Variants in DNAH11 observed in about 807,000 individuals in gnomAD.
DNAH11 encodes the protein dynein axonemal heavy chain 11.
Under a neutral mutation model 526.0 loss-of-function variants are expected in DNAH11, and 442 were observed. That is an observed-to-expected ratio of 0.84 (90% CI 0.78 to 0.91). The LOEUF is 0.91. Ranked by LOEUF, DNAH11 falls within the 40% of genes least tolerant of loss-of-function variation. The pLI is 0.00. For synonymous variants in DNAH11, 2,461 were observed against 1,935.9 expected (o/e 1.27, Z -7.12); for missense variants, 6,989 against 5,448.7 (o/e 1.28, Z -8.90).
intron 42 of DNAH11, among the ~76,000 whole-genome samples, chr7:21,715,862 TC>T (rs1784644082): frequency 1.5e-5 from 1 of 65,376 alleles, no homozygotes; most frequent in South Asian, 8.0e-4. Flanking sequence ...GATTTCCCCC[TC>T]CCACCCCCAC....
chr7:21,683,681 T>C, intron 31 of DNAH11, 103 bp from the exon 32 acceptor site: 1 of 1,283,066 alleles, frequency 7.8e-7, no homozygotes, highest in South Asian at 2.2e-5. Context: ...ATTTCCTATT[T>C]ATGAGAATTT....
chr7:21,546,341 C>T (rs1438705861), intron 2 of DNAH11, among the ~76,000 whole-genome samples: 1 of 152,174 alleles, frequency 6.6e-6, no homozygotes, highest in African/African-American at 2.4e-5. Flanking sequence ...CAGGGAGGTG[C>T]TAGGAAGACA....
chr7:21,636,355 A>G (rs1303006946), intron 26 of DNAH11, among the ~76,000 whole-genome samples: 1 of 152,212 alleles, frequency 6.6e-6, no homozygotes, highest in African/African-American at 2.4e-5. Flanking sequence ...ATATGCCAAT[A>G]AAGCTTTACT....
chr7:21,545,271 G>C, intron 2 of DNAH11, 122 bp downstream of exon 2: 1 of 141,054 alleles, frequency 7.1e-6, no homozygotes, highest in Admixed American at 2.2e-4. Context: ...GGATGGGGGT[G>C]GTTAAAAAAA....
intron 9 of DNAH11, among the ~76,000 whole-genome samples, chr7:21,585,806 CTGTA>C (rs746510641): frequency 5.3e-5 from 8 of 152,106 alleles, no homozygotes; most frequent in Non-Finnish European, 1.0e-4. Flanking sequence ...TTATGAAAAA[CTGTA>C]TTATGCAATG....
At chr7:21,898,984 CTCCAAGTTGGCGCTTGTCAG>C (rs368166260) in intron 79 of DNAH11, among the ~76,000 whole-genome samples, 305 of 152,346 alleles carry the variant, frequency 2.0e-3, no homozygotes, top group African/African-American at 6.9e-3. Context: ...CTGTCCATAC[CTCCAAGTTGGCGCTTGTCAG>C]TCCAAGTCAT....
chr7:21,641,620 C>T (rs1366725822), intron 28 of DNAH11, among the ~76,000 whole-genome samples: 1 of 152,220 alleles, frequency 6.6e-6, no homozygotes, highest in Non-Finnish European at 1.5e-5. Context: ...CATGCCTTAG[C>T]TAAACTACAT....
chr7:21,609,181 G>T (rs1424998371), intron 20 of DNAH11, among the ~76,000 whole-genome samples: 1 of 152,030 alleles, frequency 6.6e-6, no homozygotes, highest in Non-Finnish European at 1.5e-5. Context: ...ACATAACTGG[G>T]TATTTCTTCC....
At chr7:21,861,736 T>A (rs1783070506) in intron 68 of DNAH11, 117 bp from the exon 69 acceptor site, 2 of 1,032,812 alleles carry the variant, frequency 1.9e-6, no homozygotes, top group Admixed American at 2.9e-5. Context: ...CTCCTAAAAA[T>A]TTTGCCTCAT....
intron 36 of DNAH11, 117 bp from the exon 37 acceptor site, chr7:21,702,593 T>C (rs1784110738): frequency 2.7e-6 from 2 of 747,616 alleles, no homozygotes; most frequent in Admixed American, 5.0e-5. Context: ...GTATTTTGAA[T>C]CATTAAAGTG....
At position 21,687,527 on chromosome 7, in the gene DNAH11, G is replaced by A; in HGVS notation, c.5924G>A (p.Arg1975Lys). 6.2e-7 allele frequency: 1 copy of A among 1,612,972 alleles called. No individual in the cohort carries two copies. Among genetic ancestry groups the A allele is most frequent in the Non-Finnish European group, 8.5e-7 (1 of 1,179,480 alleles). Residue 1975 changes from arginine to lysine, a missense_variant and splice_region_variant, in exon 34 of 82, where the codon AGA becomes AAA. Coordinates refer to ENST00000409508, the MANE Select transcript of DNAH11 (RefSeq NM_001277115.2). Reference protein sequence around the residue: ...IHDAIRNRKKRFVFLGEAITL... With the variant: ...IHDAIRNRKKKFVFLGEAITL... ...GATGCCATCAGAAACAGGAAGAAGA[G>A]GTGAGTGGCATGCAGGCTATCTCTT... is the stretch of plus-strand genomic sequence containing the variant.
chr7:21,810,643 A>G (rs1789476246), intron 63 of DNAH11, among the ~76,000 whole-genome samples: 2 of 152,176 alleles, frequency 1.3e-5, no homozygotes, highest in Admixed American at 6.5e-5. Context: ...TTTGGACAAG[A>G]TAAGTTTATA....
At chr7:21,700,269 T>C (rs1244923021) in intron 36 of DNAH11, among the ~76,000 whole-genome samples, 3 of 152,122 alleles carry the variant, frequency 2.0e-5, no homozygotes, top group Admixed American at 1.3e-4. Context: ...AACTCAGAAA[T>C]GTCACAAATG....
At position 21,786,735 on chromosome 7, in the gene DNAH11, A is replaced by C. The variant is rs777463158; in HGVS notation, c.9709A>C (p.Ser3237Arg). 2 of 1,613,818 alleles carry C rather than the reference A, an allele frequency of 1.2e-6. No homozygotes were observed. The highest frequency in any genetic ancestry group is 3.3e-5 in the Admixed American group (2 of 60,016). Residue 3237 changes from serine (S) to arginine (R), a missense_variant, in exon 59 of 82, where the codon AGT becomes CGT. Coordinates refer to ENST00000409508, the MANE Select transcript of DNAH11 (RefSeq NM_001277115.2). ...APRGRVPKDRSWKAAKVFMGK... is the reference protein window; with the variant it reads ...APRGRVPKDRRWKAAKVFMGK... Reference sequence around the variant, plus strand: ...TCGGGGAAGAGTGCCCAAAGACCGAAGTTGGAAAGCAGCTAAAGTCTTCAT... The same window carrying C: ...TCGGGGAAGAGTGCCCAAAGACCGACGTTGGAAAGCAGCTAAAGTCTTCAT...
intron 1 of DNAH11, 79 bp downstream of exon 1, chr7:21,543,675 T>G: frequency 6.9e-7 from 1 of 1,457,828 alleles, no homozygotes; most frequent in Non-Finnish European, 9.2e-7. Flanking sequence ...CCCCTTTGGA[T>G]TCCCGCGGGG....
intron 63 of DNAH11, among the ~76,000 whole-genome samples, chr7:21,812,397 G>T (rs370962166): frequency 1.3e-5 from 2 of 152,088 alleles, no homozygotes; most frequent in South Asian, 4.1e-4. Flanking sequence ...CTGTCCGCCG[G>T]GTGTGGTGGC....
At position 21,606,435 on chromosome 7, in the gene DNAH11, G is replaced by A; in HGVS notation, c.3658G>A (p.Glu1220Lys). ...GCCTTTGCTTTTGCAGGAATTACCT[G>A]AAAGATGGGAAACTACCAAAAAGAT... ...QVYIQLEELP[E>K]RWETTKKIAA... is the part of the protein sequence containing the mutation. The change falls in exon 19 of 82, where the codon GAA (glutamate) becomes AAA (lysine). Residue 1220 changes from glutamate to lysine, a missense_variant. Glu to Lys is a moderately conservative substitution (Grantham distance 56). Transcript: ENST00000409508. 4 of 1,604,994 alleles carry A rather than the reference G, an allele frequency of 2.5e-6. No individual in the cohort carries two copies. Among genetic ancestry groups the A allele is most frequent in the Non-Finnish European group, 3.4e-6 (4 of 1,177,516 alleles).
At chr7:21,678,748 T>C (rs1278798365) in intron 30 of DNAH11, among the ~76,000 whole-genome samples, 2 of 152,210 alleles carry the variant, frequency 1.3e-5, no homozygotes, top group Admixed American at 6.5e-5. Context: ...TTTTGTAGTT[T>C]TCAGTGTATG....
chr7:21,661,800 T>G (rs1562736704), intron 30 of DNAH11, among the ~76,000 whole-genome samples: 1 of 152,094 alleles, frequency 6.6e-6, no homozygotes, highest in Non-Finnish European at 1.5e-5. Flanking sequence ...TTAGAAGGAT[T>G]ACTTAGTTAG....
Sources: allele counts gnomAD v4.1 joint callset (sites outside exome capture counted in the v4.1 genomes callset), GRCh38; gene constraint gnomAD v4.1.1; transcripts MANE v1.5; gene names NCBI Gene and HGNC (gene_info 2026-07-23, HGNC 2026-07-21).